TTLL11: variants seen among roughly 807,000 people sequenced by gnomAD.
The protein encoded by TTLL11 is tubulin polyglutamylase TTLL11.
A neutral mutation model predicts 51.7 loss-of-function variants in TTLL11; 42 were observed. The observed-to-expected ratio is 0.81, with a 90% CI of 0.64 to 1.05. The LOEUF (loss-of-function observed/expected upper bound fraction) is 1.05. Ranked by LOEUF, TTLL11 falls within the 50% of genes least tolerant of loss-of-function variation. TTLL11 has a pLI of 0.00. For missense variants in TTLL11, 799 were observed against 940.4 expected (o/e 0.85, Z 1.97); for synonymous variants, 381 against 383.5 (o/e 0.99, Z 0.08).
In TTLL11 at chr9:122,010,821, T is replaced by C. The variant is rs12342075; in HGVS notation, c.693+20902A>G. Among the ~76,000 whole-genome samples, 188 of 152,312 alleles carry C rather than the reference T, an allele frequency of 1.2e-3. 1 individual carries two copies. Among genetic ancestry groups the C allele is most frequent in the Admixed American group, 8.9e-3 (136 of 15,296 alleles). On this transcript the variant is annotated intron_variant, in intron 3 of 8. Coordinates refer to ENST00000321582, the MANE Select transcript of TTLL11 (RefSeq NM_001139442.2). ...AAAATCAGAGTTGTAGTTTACATGA[T>C]AGTTAAAAATATGGCTTTCAGTGTC...
intron 6 of TTLL11, among the ~76,000 whole-genome samples, chr9:121,912,220 T>C (rs34363161): frequency 0.26 from 40,135 of 152,096 alleles, 6,554 homozygotes; most frequent in Non-Finnish European, 0.36. Context: ...CTGTTAAGGG[T>C]AACGGTGGAA....
intron 3 of TTLL11, among the ~76,000 whole-genome samples, chr9:122,015,447 T>G (rs1239129363): frequency 6.6e-6 from 1 of 152,234 alleles, no homozygotes; most frequent in East Asian, 1.9e-4. Flanking sequence ...TCTGCCTTCT[T>G]CTGACAGCTG....
chr9:121,989,795 G>C lies in TTLL11; in HGVS notation c.694-25C>G, dbSNP rs764634749. The stretch of plus-strand genomic sequence containing the variant: ...CCTGGAGGGGGAAAAAAGGATGGCC[G>C]ACATTATATTGTTTTCCCTCTGGAT... On this transcript the variant is annotated intron_variant, in intron 3 of 8. Transcript: ENST00000321582. The surrounding 1 kb of genome is among the most constrained non-coding windows in gnomAD (Gnocchi z 4.2). 6.4e-7 allele frequency: 1 copy of C among 1,564,864 alleles called. No individual in the cohort carries two copies. The highest frequency in any genetic ancestry group is 1.2e-5 in the South Asian group (1 of 81,784).
chr9:121,979,128 G>A (rs201757802), intron 4 of TTLL11, among the ~76,000 whole-genome samples: 123 of 152,280 alleles, frequency 8.1e-4, no homozygotes, highest in African/African-American at 2.8e-3. Context: ...TCACTCACTC[G>A]GAGGGAGGCC....
At chr9:121,882,417 C>G (rs1838833455) in intron 6 of TTLL11, among the ~76,000 whole-genome samples, 1 of 152,194 alleles carries the variant, frequency 6.6e-6, no homozygotes, top group Admixed American at 6.5e-5. Flanking sequence ...TGACCATGCA[C>G]CTCCTAATTG....
At chr9:121,991,131 A>G (rs1282165797) in intron 3 of TTLL11, among the ~76,000 whole-genome samples, 4 of 152,208 alleles carry the variant, frequency 2.6e-5, no homozygotes, top group Non-Finnish European at 5.9e-5. Flanking sequence ...TGCCCCAGTG[A>G]CAGACTCCTC....
At chr9:121,848,834 A>G (rs1240108111) in intron 8 of TTLL11, among the ~76,000 whole-genome samples, 3 of 152,222 alleles carry the variant, frequency 2.0e-5, no homozygotes, top group Non-Finnish European at 2.9e-5. Context: ...GACTTGATCT[A>G]TGGATTCAAC....
At chr9:122,008,792 C>T (rs1843723015) in intron 3 of TTLL11, among the ~76,000 whole-genome samples, 1 of 152,248 alleles carries the variant, frequency 6.6e-6, no homozygotes, top group Non-Finnish European at 1.5e-5. Flanking sequence ...ACGGAATCAA[C>T]CTGTGTCCGT....
rs552488248 is a variant in TTLL11, at chr9:121,943,894, T to C, written c.1481+30115A>G. Reference sequence around the variant, plus strand: ...ACAGGAGATGCTCAGAAAATGTTTGTTGAATAAGTGAATGAATGATTCTAT... The same window carrying C: ...ACAGGAGATGCTCAGAAAATGTTTGCTGAATAAGTGAATGAATGATTCTAT... On this transcript the variant is annotated intron_variant, in intron 6 of 8. Transcript: ENST00000321582. Among the ~76,000 whole-genome samples, 98 of 152,354 alleles carry C rather than the reference T, an allele frequency of 6.4e-4. No individual in the cohort carries two copies. The Middle Eastern group carries it at 0.014, about 21-fold the overall frequency.
At position 121,870,825 on chromosome 9, in the gene TTLL11, G is replaced by C. The variant is rs1177946856; in HGVS notation, c.1482-77C>G. On this transcript the variant is annotated intron_variant, in intron 6 of 8. Transcript: ENST00000321582. Reference sequence around the variant, plus strand: ...TTTACTTGAGATTTACAGCCTCCTCGGGAGGCAGCATTACCAGCATTTTTT... The same window carrying C: ...TTTACTTGAGATTTACAGCCTCCTCCGGAGGCAGCATTACCAGCATTTTTT... 61 of 1,419,576 alleles carry C rather than the reference G, an allele frequency of 4.3e-5. No homozygotes were observed. In the East Asian group the frequency reaches 1.5e-3, roughly 36 times the overall value. The allele number at this position is 1,419,576 out of a possible 1,614,324, so 87.9% of individuals were successfully genotyped here.
Position 121,989,220 on chromosome 9 carries a change from C to T in TTLL11, c.1244G>A (p.Gly415Glu). ...CTGGAAGCACGTGGGGCCCGGCCTC[C>T]CCGTGGGGATGTCTGACTGGTAGAA... ...KVFYQSDIPT[G>E]RPGPTCFQIL... Residue 415 changes from glycine (G) to glutamate (E), a missense_variant, in exon 4 of 9, where the codon GGG becomes GAG. By Grantham distance (98) the Gly-to-Glu change is moderately conservative. Transcript: ENST00000321582. This position sits in a 1 kb window ranked among gnomAD's most constrained non-coding sequence, Gnocchi z 4.2. The T allele has an allele frequency of 1.2e-6, 2 of 1,614,050 alleles. No homozygotes were observed. The highest frequency in any genetic ancestry group is 2.2e-5 in the South Asian group (2 of 91,080).
intron 1 of TTLL11, among the ~76,000 whole-genome samples, chr9:122,057,131 A>C (rs1448021553): frequency 1.3e-5 from 2 of 151,782 alleles, no homozygotes; most frequent in East Asian, 1.9e-4. Flanking sequence ...ATTGCATTAA[A>C]CCCCATTATT....
intron 6 of TTLL11, among the ~76,000 whole-genome samples, chr9:121,899,341 C>CTGTGTG (rs541507208): frequency 1.0e-4 from 14 of 136,854 alleles, no homozygotes; most frequent in African/African-American, 3.3e-4. Context: ...TTAATTCACT[C>CTGTGTG]TGTGTGTGTG....
rs1337145451 is a variant in TTLL11 at position 122,092,946 on chromosome 9, G to T, written c.203C>A (p.Ala68Glu). The T allele has an allele frequency of 1.3e-6, 2 of 1,577,552 alleles. No individual in the cohort carries two copies. Among genetic ancestry groups the T allele is most frequent in the South Asian group, 1.1e-5 (1 of 87,118 alleles). The change falls in exon 1 of 9, where the codon GCG (alanine) becomes GAG (glutamate). Residue 68 changes from alanine (A) to glutamate (E), a missense_variant. By Grantham distance (107) the Ala-to-Glu change is moderately radical (BLOSUM62 -1). Transcript: ENST00000321582. The part of the protein sequence containing the change: ...EQPKVLAPAP[A>E]QPSAAEEGNT... Reference sequence around the variant, plus strand: ...CCCCTCCTCAGCCGCACTGGGCTGCGCCGGGGCCGGGGCCAGGACCTTGGG... The same window carrying T: ...CCCCTCCTCAGCCGCACTGGGCTGCTCCGGGGCCGGGGCCAGGACCTTGGG...
chr9:121,957,388 C>T (rs1842054937), intron 6 of TTLL11, among the ~76,000 whole-genome samples: 1 of 152,326 alleles, frequency 6.6e-6, no homozygotes, highest in South Asian at 2.1e-4. Flanking sequence ...CTCCCCGCCC[C>T]CTCTTTCCTC....
intron 3 of TTLL11, among the ~76,000 whole-genome samples, chr9:122,012,872 A>G (rs1488987128): frequency 6.6e-6 from 1 of 152,250 alleles, no homozygotes; most frequent in African/African-American, 2.4e-5. Flanking sequence ...GAAGACCCAG[A>G]ACACTTTGTC....
chr9:121,822,929 G>A lies in TTLL11; in HGVS notation c.1841-50C>T, dbSNP rs145982183. ...GGGGTGCACACAGCTGCCCTACGCT[G>A]CCCTGGGAAGGCCCACCTCCAGCCA... On this transcript the variant is annotated intron_variant, in intron 8 of 8. Coordinates refer to ENST00000321582, the MANE Select transcript of TTLL11 (RefSeq NM_001139442.2). The surrounding 1 kb of genome is among the most constrained non-coding windows in gnomAD (Gnocchi z 5.8). The A allele has an allele frequency of 1.6e-3, 2,410 of 1,482,696 alleles. 6 individuals are homozygous for A. Among genetic ancestry groups the A allele is most frequent in the Non-Finnish European group, 2.0e-3 (2,246 of 1,113,366 alleles). 91.8% of individuals were successfully genotyped at this position (1,482,696 alleles called of 1,614,324 possible).
At chr9:121,994,158 G>A (rs1007885060) in intron 3 of TTLL11, among the ~76,000 whole-genome samples, 4 of 152,214 alleles carry the variant, frequency 2.6e-5, no homozygotes, top group East Asian at 1.9e-4. Flanking sequence ...AGAATGGCCT[G>A]TTGGGGCAGA....
chr9:121,966,026 C>T (rs1842389204), intron 6 of TTLL11, among the ~76,000 whole-genome samples: 1 of 152,192 alleles, frequency 6.6e-6, no homozygotes, highest in Admixed American at 6.5e-5. Flanking sequence ...TGGCACAGGG[C>T]CCAAGAGATG....
Sources: allele counts gnomAD v4.1 joint callset (sites outside exome capture counted in the v4.1 genomes callset), GRCh38; gene constraint gnomAD v4.1.1; non-coding constraint Gnocchi (gnomAD v3.1); transcripts MANE v1.5; gene names NCBI Gene and HGNC (gene_info 2026-07-23, HGNC 2026-07-21).